PPP1R9A: variants seen among roughly 807,000 people sequenced by gnomAD.
PPP1R9A encodes the protein neurabin-1.
In PPP1R9A, 59 loss-of-function variants were observed where a neutral mutation model predicts 141.9. That is an observed-to-expected ratio of 0.42 (90% confidence interval 0.34 to 0.52). PPP1R9A has a LOEUF of 0.52. Among genes scored for constraint, PPP1R9A ranks in the 20% least tolerant of loss-of-function variants. The pLI, the probability that PPP1R9A is intolerant of heterozygous loss-of-function variation, is 0.10. For missense variants in PPP1R9A, 1,444 were observed against 1,611.9 expected, an observed-to-expected ratio of 0.90 and a Z score of 1.78; for synonymous variants, 500 against 569.7, an observed-to-expected ratio of 0.88 and a Z score of 1.74.
chr7:95,241,383 A>C (rs1034885313), intron 8 of PPP1R9A, among the ~76,000 whole-genome samples: 5 of 152,324 alleles, frequency 3.3e-5, no homozygotes, highest in African/African-American at 1.2e-4. Context: ...ATGGATCTCA[A>C]GCCATCAGTG....
In PPP1R9A at chr7:95,272,994, C is replaced by T. The variant is rs766684689; in HGVS notation, c.3125-905C>T. Among the ~76,000 whole-genome samples, 11 of 152,124 alleles carry T rather than the reference C, an allele frequency of 7.2e-5. 1 individual carries two copies. Among genetic ancestry groups the T allele is most frequent in the Admixed American group, 4.6e-4 (7 of 15,272 alleles). ...AATTGGATATGCTGAAACGTGATGC[C>T]GATCAGTACCCTCTGCTGAATAGTT... On this transcript the variant is annotated intron_variant, in intron 14 of 19. Coordinates refer to ENST00000433360, the MANE Select transcript of PPP1R9A (RefSeq NM_001166160.2).
At chr7:95,191,022 TA>T in intron 5 of PPP1R9A, among the ~76,000 whole-genome samples, 1 of 152,254 alleles carries the variant, frequency 6.6e-6, no homozygotes, top group Non-Finnish European at 1.5e-5. Flanking sequence ...AAGGAATTCA[TA>T]AATTATCATT....
rs143711894 is a variant in PPP1R9A at position 95,018,839 on chromosome 7, A to G, written c.1396-92420A>G. On this transcript the variant is annotated intron_variant, in intron 2 of 19. Coordinates refer to ENST00000433360, the MANE Select transcript of PPP1R9A (RefSeq NM_001166160.2). ...TAATAAGGTGCTTTGTCTCTGATTC[A>G]GGTGTCTTGGGTCTTCTGCTGGCAT... is the stretch of plus-strand genomic sequence containing the variant. Among the ~76,000 whole-genome samples the G allele has an allele frequency of 3.3e-5, 5 of 152,108 alleles. No homozygotes were observed. The South Asian group carries it at 6.2e-4, about 19-fold the overall frequency.
intron 4 of PPP1R9A, among the ~76,000 whole-genome samples, chr7:95,129,131 G>A (rs987680234): frequency 7.2e-5 from 11 of 152,136 alleles, no homozygotes; most frequent in Non-Finnish European, 1.0e-4. Context: ...GCTTATTTTT[G>A]TCAATTTTGT....
At chr7:94,976,786 A>G (rs1022476063) in intron 2 of PPP1R9A, among the ~76,000 whole-genome samples, 6 of 152,160 alleles carry the variant, frequency 3.9e-5, no homozygotes, top group Non-Finnish European at 5.9e-5. Context: ...TCTTTTATTT[A>G]TTAATCATTC....
rs761839440 is a variant in PPP1R9A at position 95,198,475 on chromosome 7, C to A, written c.1881C>A (p.Asp627Glu). ...LEQHYAQYDADDDENTVAELQ... is the reference protein window; with the variant it reads ...LEQHYAQYDAEDDENTVAELQ... ...AGCACTATGCCCAGTATGATGCCGA[C>A]GATGACGAGGTCAGTAGTGCTTGCA... Residue 627 changes from aspartate to glutamate, a missense_variant, in exon 6 of 20, where the codon GAC becomes GAA. Asp to Glu is a conservative substitution (Grantham distance 45). Coordinates refer to ENST00000433360, the MANE Select transcript of PPP1R9A (RefSeq NM_001166160.2). 1 of 1,587,360 alleles carries A rather than the reference C, an allele frequency of 6.3e-7. No homozygotes were observed. Among genetic ancestry groups the A allele is most frequent in the Non-Finnish European group, 8.5e-7 (1 of 1,170,044 alleles).
chr7:95,072,271 TATATA>T (rs1444836913), intron 2 of PPP1R9A, among the ~76,000 whole-genome samples: 20 of 144,942 alleles, frequency 1.4e-4, no homozygotes, highest in East Asian at 3.9e-4. Flanking sequence ...TATATAATAA[TATATA>T]ATATAATATA....
rs1584905182 is a variant in PPP1R9A at position 95,139,082 on chromosome 7, G to A, written c.1649+18250G>A. On this transcript the variant is annotated intron_variant, in intron 4 of 19. Transcript: ENST00000433360. ...CTTTATTCATAATAGACAAAATCAGGAAACAACTTATATTAGTCCATTCTC... is the reference window on the plus strand; with the variant it reads ...CTTTATTCATAATAGACAAAATCAGAAAACAACTTATATTAGTCCATTCTC... Among the ~76,000 whole-genome samples, 6 of 152,230 alleles carry A rather than the reference G, an allele frequency of 3.9e-5. 1 individual carries two copies. The highest frequency in any genetic ancestry group is 3.9e-4 in the Admixed American group (6 of 15,308).
chr7:94,979,488 A>C (rs532105140), intron 2 of PPP1R9A, among the ~76,000 whole-genome samples: 3 of 152,344 alleles, frequency 2.0e-5, no homozygotes, highest in East Asian at 3.9e-4. Flanking sequence ...AATGCTACTT[A>C]GCAAATGGAT....
chr7:95,027,772 C>T (rs538341709), intron 2 of PPP1R9A, among the ~76,000 whole-genome samples: 11 of 152,090 alleles, frequency 7.2e-5, no homozygotes, highest in African/African-American at 2.4e-4. Flanking sequence ...AGTTGTATCA[C>T]GATGGTAAGT....
At chr7:95,256,776 G>C (rs1799645658) in intron 12 of PPP1R9A, among the ~76,000 whole-genome samples, 1 of 152,090 alleles carries the variant, frequency 6.6e-6, no homozygotes, top group African/African-American at 2.4e-5. Context: ...TAACAGGGTA[G>C]ATGGATTTAA....
At chr7:95,203,580 G>T in intron 6 of PPP1R9A, 85 bp from the exon 7 acceptor site, 1 of 986,258 alleles carries the variant, frequency 1.0e-6, no homozygotes, top group Non-Finnish European at 1.5e-6. Context: ...TAAGCACTGG[G>T]ACTCAGTGTT....
intron 2 of PPP1R9A, among the ~76,000 whole-genome samples, chr7:95,039,885 A>T (rs1478302577): frequency 6.6e-6 from 1 of 152,222 alleles, no homozygotes; most frequent in Non-Finnish European, 1.5e-5. Context: ...TTAATGACAG[A>T]TAGAAACCCA....
chr7:95,025,344 C>T (rs964260554), intron 2 of PPP1R9A, among the ~76,000 whole-genome samples: 6 of 152,086 alleles, frequency 3.9e-5, no homozygotes, highest in East Asian at 1.9e-4. Flanking sequence ...GAATTACAGG[C>T]GTGAACCACT....
At chr7:94,943,941 T>G (rs1795607994) in intron 2 of PPP1R9A, among the ~76,000 whole-genome samples, 1 of 152,168 alleles carries the variant, frequency 6.6e-6, no homozygotes, top group African/African-American at 2.4e-5. Flanking sequence ...ACTGAGTTTG[T>G]TATTCCCTTT....
At chr7:95,112,552 T>A (rs577970035) in intron 3 of PPP1R9A, among the ~76,000 whole-genome samples, 1 of 152,308 alleles carries the variant, frequency 6.6e-6, no homozygotes, top group South Asian at 2.1e-4. Context: ...GCACTCCCAC[T>A]ACTGAATATC....
At chr7:95,095,591 A>G (rs1817915474) in intron 2 of PPP1R9A, among the ~76,000 whole-genome samples, 1 of 152,186 alleles carries the variant, frequency 6.6e-6, no homozygotes, top group Non-Finnish European at 1.5e-5. Flanking sequence ...GTATATTGAC[A>G]TTTTCAGTCA....
chr7:95,015,300 A>G lies in PPP1R9A; in HGVS notation c.1396-95959A>G, dbSNP rs141093643. Among the ~76,000 whole-genome samples, 581 of 152,070 alleles carry G rather than the reference A, an allele frequency of 3.8e-3. 4 individuals carry two copies. Among genetic ancestry groups the G allele is most frequent in the African/African-American group, 0.013 (545 of 41,500 alleles). On this transcript the variant is annotated intron_variant, in intron 2 of 19. Transcript: ENST00000433360. ...TATCTGTTTCTGTGTTGATCTATCTATATTTAAAAATCTACAGTGTGTAAT... is the reference window on the plus strand; with the variant it reads ...TATCTGTTTCTGTGTTGATCTATCTGTATTTAAAAATCTACAGTGTGTAAT...
intron 2 of PPP1R9A, among the ~76,000 whole-genome samples, chr7:94,976,949 G>T (rs1183910314): frequency 3.9e-5 from 6 of 152,106 alleles, no homozygotes; most frequent in African/African-American, 2.4e-5. Flanking sequence ...GAATAAGTAA[G>T]TGTGTGTTGC....
Sources: allele counts gnomAD v4.1 joint callset (sites outside exome capture counted in the v4.1 genomes callset), GRCh38; gene constraint gnomAD v4.1.1; transcripts MANE v1.5; gene names NCBI Gene and HGNC (gene_info 2026-07-23, HGNC 2026-07-21).